The following PCDHA11 variants were observed in gnomAD, a reference collection of about 807,000 sequenced individuals.
The protein encoded by PCDHA11 is protocadherin alpha-11.
PCDHA11 carries 61 observed loss-of-function variants against 70.3 expected under a neutral mutation model. The ratio of observed to expected loss-of-function variants is 0.87; its 90% CI spans 0.71 to 1.07. PCDHA11 has a LOEUF of 1.07. PCDHA11 is among the 50% of genes least tolerant of loss of function. The probability of loss-of-function intolerance (pLI) is 0.00; values close to 1 mark genes in which losing one functional copy is unlikely to be tolerated. For missense variants in PCDHA11, 1,324 were observed against 1,237.5 expected (o/e 1.07, Z -1.05); for synonymous variants, 633 against 555.1 (o/e 1.14, Z -1.97).
At chr5:140,993,720 T>C (rs1201014213) in intron 3 of PCDHA11, among the ~76,000 whole-genome samples, 2 of 152,172 alleles carry the variant, frequency 1.3e-5, no homozygotes, top group Non-Finnish European at 2.9e-5. Context: ...TTACTGTACC[T>C]TTTCTATGTT....
intron 1 of PCDHA11, among the ~76,000 whole-genome samples, chr5:140,941,848 G>A (rs2093183003): frequency 6.6e-6 from 1 of 152,142 alleles, no homozygotes; most frequent in South Asian, 2.1e-4. Flanking sequence ...GCCATTACCT[G>A]ATATTCCCTA....
rs199741530 is a variant in PCDHA11, at chr5:140,871,314, G to A, written c.2211G>A (p.Thr737=). 6.2e-7 allele frequency: 1 copy of A among 1,614,048 alleles called. No individual in the cohort carries two copies. The highest frequency in any genetic ancestry group is 2.2e-5 in the East Asian group (1 of 44,876). ...GCGCGTGCGCGCCGGGGAAGCCCAC[G>A]CTGGTGTGCTCCCGCGCGGTGGGGA... ...TEGACAPGKP[T]LVCSRAVGSW... Residue 737 remains threonine (T), a synonymous_variant, in exon 1 of 4, where the codon ACG becomes ACA. Transcript: ENST00000398640.
intron 2 of PCDHA11, chr5:140,982,235 T>C (rs782570505): frequency 2.6e-5 from 17 of 646,792 alleles, no homozygotes; most frequent in Non-Finnish European, 3.9e-5. Flanking sequence ...AAAAACAGAA[T>C]TGCCATAAAG....
intron 1 of PCDHA11, chr5:140,877,313 C>T (rs2057018817): frequency 6.2e-7 from 1 of 1,613,836 alleles, no homozygotes; most frequent in Non-Finnish European, 8.5e-7. Flanking sequence ...TTGCAACCGG[C>T]GGCGGTCGGC....
chr5:140,911,693 CAAAT>C, intron 1 of PCDHA11, among the ~76,000 whole-genome samples: 1 of 152,156 alleles, frequency 6.6e-6, no homozygotes, highest in East Asian at 1.9e-4. Flanking sequence ...TCAGGAGTGT[CAAAT>C]GAATTTATTT....
chr5:140,989,893 A>T (rs1436233809), intron 3 of PCDHA11, among the ~76,000 whole-genome samples: 1 of 151,928 alleles, frequency 6.6e-6, no homozygotes, highest in Non-Finnish European at 1.5e-5. Context: ...AGTCTCCGTT[A>T]TTCACAATCA....
chr5:140,990,199 G>A (rs1308811962), intron 3 of PCDHA11, among the ~76,000 whole-genome samples: 1 of 152,132 alleles, frequency 6.6e-6, no homozygotes, highest in East Asian at 1.9e-4. Context: ...ATGTGGACCC[G>A]AAAGAGAACA....
In PCDHA11 at chr5:140,869,913, C is replaced by A. The variant is rs782111162; in HGVS notation, c.810C>A (p.Asp270Glu). ...TCAAACTAAACGCCACAGACCGAGA[C>A]GAAGGAGTCAATGGAGAGGTAACAT... ...LVLKLNATDRDEGVNGEVTYS... is the reference protein window; with the variant it reads ...LVLKLNATDREEGVNGEVTYS... Residue 270 changes from aspartate (D) to glutamate (E), a missense_variant, in exon 1 of 4, where the codon GAC becomes GAA. Coordinates refer to ENST00000398640, the MANE Select transcript of PCDHA11 (RefSeq NM_018902.5). 1 of 1,610,636 alleles carries A rather than the reference C, an allele frequency of 6.2e-7. No homozygotes were observed. The highest frequency in any genetic ancestry group is 1.3e-5 in the African/African-American group (1 of 74,784).
At chr5:140,952,993 C>G (rs1273513255) in intron 1 of PCDHA11, among the ~76,000 whole-genome samples, 1 of 152,106 alleles carries the variant, frequency 6.6e-6, no homozygotes, top group Non-Finnish European at 1.5e-5. Flanking sequence ...CTCATGAGAA[C>G]TCTCTCACTA....
intron 1 of PCDHA11, among the ~76,000 whole-genome samples, chr5:140,894,494 T>C (rs1412845995): frequency 6.6e-6 from 1 of 151,992 alleles, no homozygotes; most frequent in Non-Finnish European, 1.5e-5. Flanking sequence ...TAGTTTTCTT[T>C]AGGCATTATC....
Position 140,870,229 on chromosome 5 carries a change from C to G in PCDHA11, c.1126C>G (p.Arg376Gly). Residue 376 changes from arginine (R) to glycine (G), a missense_variant, in exon 1 of 4, where the codon CGT becomes GGT. By Grantham distance (125) the Arg-to-Gly change is moderately radical. Coordinates refer to ENST00000398640, the MANE Select transcript of PCDHA11 (RefSeq NM_018902.5). The stretch of plus-strand genomic sequence containing the variant: ...CATTGCCCTGATCAGCGTGTCTGAC[C>G]GTGACTCAGGTGTCAACGGACAGGT... The part of the protein sequence containing the change: ...TVIALISVSD[R>G]DSGVNGQVTC... 1.9e-6 allele frequency: 3 copies of G among 1,614,164 alleles called. No homozygotes were observed. Among genetic ancestry groups the G allele is most frequent in the Non-Finnish European group, 2.5e-6 (3 of 1,180,034 alleles).
At chr5:140,893,416 G>A (rs1351047268) in intron 1 of PCDHA11, among the ~76,000 whole-genome samples, 1 of 152,136 alleles carries the variant, frequency 6.6e-6, no homozygotes, top group Non-Finnish European at 1.5e-5. Context: ...ACTTAGGGAG[G>A]CAGAGGCAGG....
intron 3 of PCDHA11, among the ~76,000 whole-genome samples, chr5:140,986,799 CTTAG>C (rs782752084): frequency 3.9e-5 from 6 of 152,154 alleles, no homozygotes; most frequent in South Asian, 4.1e-4. Context: ...GGCAGTGAGT[CTTAG>C]TTAGAGAACT....
chr5:140,955,889 GT>G (rs1305358742), intron 1 of PCDHA11, among the ~76,000 whole-genome samples: 2 of 151,880 alleles, frequency 1.3e-5, no homozygotes, highest in Non-Finnish European at 2.9e-5. Flanking sequence ...ATTCCTAGGT[GT>G]TTTATTCTCT....
chr5:140,941,239 C>CTTTCTTTCTTTCTTTA (rs2092937531), intron 1 of PCDHA11, among the ~76,000 whole-genome samples: 1 of 134,502 alleles, frequency 7.4e-6, no homozygotes, highest in African/African-American at 2.9e-5. Context: ...TTCTTTCTTT[C>CTTTCTTTCTTTCTTTA]TTTCTTTCTT....
intron 1 of PCDHA11, among the ~76,000 whole-genome samples, chr5:140,907,407 C>G (rs1438882988): frequency 3.3e-5 from 5 of 152,168 alleles, no homozygotes; most frequent in African/African-American, 1.2e-4. Flanking sequence ...GTGTGGAATA[C>G]CACGATGGTG....
chr5:140,943,131 G>T (rs1360196674), intron 1 of PCDHA11, among the ~76,000 whole-genome samples: 1 of 151,626 alleles, frequency 6.6e-6, no homozygotes, highest in Non-Finnish European at 1.5e-5. Flanking sequence ...GGTAGTGGGT[G>T]CCTGTAGTCC....
intron 1 of PCDHA11, chr5:140,967,063 C>T (rs1554229129): frequency 6.2e-7 from 1 of 1,612,820 alleles, no homozygotes; most frequent in Non-Finnish European, 8.5e-7. Flanking sequence ...GTGGAGCGCT[C>T]TTCGTCAACG....
chr5:140,988,206 G>GA (rs200168674), intron 3 of PCDHA11, among the ~76,000 whole-genome samples: 41 of 150,634 alleles, frequency 2.7e-4, no homozygotes, highest in Admixed American at 4.6e-4. Flanking sequence ...TCCTTATTAG[G>GA]AAAAAAAAAT....
Sources: allele counts gnomAD v4.1 joint callset (sites outside exome capture counted in the v4.1 genomes callset), GRCh38; gene constraint gnomAD v4.1.1; transcripts MANE v1.5; gene names NCBI Gene and HGNC (gene_info 2026-07-23, HGNC 2026-07-21).